Variants in LMO7 observed in about 807,000 individuals in gnomAD.
LMO7 encodes the protein LIM domain 7.
Under a neutral mutation model 206.5 loss-of-function variants are expected in LMO7, and 120 were observed. That is an observed-to-expected ratio of 0.58 (90% CI 0.50 to 0.68). LMO7 has a LOEUF of 0.68. LMO7 is among the 30% of genes least tolerant of loss of function. LMO7 has a pLI of 0.00. For missense variants in LMO7, 1,959 were observed against 1,957.9 expected (o/e 1.00, Z -0.01); for synonymous variants, 706 against 681.5 (o/e 1.04, Z -0.56).
chr13:75,783,356 T>C (rs150636574), intron 4 of LMO7, among the ~76,000 whole-genome samples: 132 of 152,322 alleles, frequency 8.7e-4, no homozygotes, highest in African/African-American at 3.0e-3. Context: ...AGTCTCGCTC[T>C]GTTGCCTAGG....
At position 75,753,206 on chromosome 13, in the gene LMO7, TGGC is replaced by T. The variant is rs1428027595; in HGVS notation, c.211-7725_211-7723del. ...GTTGAACATTTTTTCATATTTTTGTTGGCCATTTGTCTTCCATTGAAAAAGGTT... is the reference window on the plus strand; with the variant it reads ...GTTGAACATTTTTTCATATTTTTGTTCATTTGTCTTCCATTGAAAAAGGTT... On this transcript the variant is annotated intron_variant, in intron 3 of 30. Transcript: ENST00000377534. 4.6e-5 allele frequency among the ~76,000 whole-genome samples: 7 copies of T among 152,350 alleles called. No homozygotes were observed. In the South Asian group the frequency reaches 8.3e-4, roughly 18 times the overall value.
At position 75,683,364 on chromosome 13, in the gene LMO7, A is replaced by C. The variant is rs142532402; in HGVS notation, c.70-29818A>C. On this transcript the variant is annotated intron_variant, in intron 1 of 30. Coordinates refer to ENST00000377534, the MANE Select transcript of LMO7 (RefSeq NM_001306080.2). ...TTTTATAGATTTGGATATTGCAATT[A>C]GGTCTAAGATACTTTTTGATTTATA... 1.6e-4 allele frequency among the ~76,000 whole-genome samples: 24 copies of C among 152,348 alleles called. No individual in the cohort carries two copies. In the East Asian group the frequency reaches 4.4e-3, roughly 28 times the overall value.
At chr13:75,718,848 T>C (rs2043781081) in intron 2 of LMO7, among the ~76,000 whole-genome samples, 1 of 152,240 alleles carries the variant, frequency 6.6e-6, no homozygotes, top group African/African-American at 2.4e-5. Flanking sequence ...ACTGTCTTTA[T>C]GATTTTGGCT....
chr13:75,806,721 A>G (rs1268418380), intron 9 of LMO7: 2 of 152,248 alleles, frequency 1.3e-5, no homozygotes, highest in Non-Finnish European at 1.5e-5. Flanking sequence ...TGCTGATTAC[A>G]TATACCTATT....
At chr13:75,684,295 G>T (rs368819068) in intron 1 of LMO7, among the ~76,000 whole-genome samples, 3 of 152,276 alleles carry the variant, frequency 2.0e-5, no homozygotes, top group East Asian at 1.9e-4. Context: ...GTGCAATGGT[G>T]CAATCTCTGC....
chr13:75,754,620 C>T (rs1345198649), intron 3 of LMO7, among the ~76,000 whole-genome samples: 1 of 152,000 alleles, frequency 6.6e-6, no homozygotes, highest in East Asian at 1.9e-4. Context: ...ATGAGAGAGC[C>T]CTTATACTGA....
chr13:75,697,967 T>C (rs1378376313), intron 1 of LMO7, among the ~76,000 whole-genome samples: 1 of 152,240 alleles, frequency 6.6e-6, no homozygotes. Context: ...GGAATGTAAT[T>C]AACTCTCAAC....
At chr13:75,664,797 A>G (rs1482041612) in intron 1 of LMO7, among the ~76,000 whole-genome samples, 1 of 152,230 alleles carries the variant, frequency 6.6e-6, no homozygotes, top group East Asian at 1.9e-4. Flanking sequence ...AGAACTACCA[A>G]GAAAAGTTTT....
chr13:75,762,408 G>C (rs1203162832), intron 4 of LMO7, among the ~76,000 whole-genome samples: 1 of 152,102 alleles, frequency 6.6e-6, no homozygotes, highest in African/African-American at 2.4e-5. Context: ...AGAAACTTTA[G>C]ACTTTGAAAG....
intron 25 of LMO7, among the ~76,000 whole-genome samples, chr13:75,844,826 G>A (rs1032425051): frequency 6.6e-6 from 1 of 152,186 alleles, no homozygotes; most frequent in African/African-American, 2.4e-5. Flanking sequence ...GAAGTTGACT[G>A]TGCTGTATGC....
At chr13:75,667,542 T>G (rs1229434432) in intron 1 of LMO7, among the ~76,000 whole-genome samples, 2 of 152,186 alleles carry the variant, frequency 1.3e-5, no homozygotes, top group Admixed American at 1.3e-4. Flanking sequence ...CAGCTGTTAG[T>G]CTTATCTGGT....
chr13:75,785,044 G>C (rs572241293), intron 4 of LMO7, among the ~76,000 whole-genome samples: 1 of 152,206 alleles, frequency 6.6e-6, no homozygotes, highest in Non-Finnish European at 1.5e-5. Flanking sequence ...ACAGGATAGT[G>C]GAAAATATCT....
At position 75,840,299 on chromosome 13, in the gene LMO7, T is replaced by C. The variant is rs530927583; in HGVS notation, c.3478-92T>C. ...GGTACAGTTTAAGCAAACTGTGATA[T>C]GAATAATTTATGTGTGCAAAAGTGG... On this transcript the variant is annotated intron_variant, in intron 21 of 30. Transcript: ENST00000377534. 10 of 1,462,534 alleles carry C rather than the reference T, an allele frequency of 6.8e-6. No homozygotes were observed. In the South Asian group the frequency reaches 8.1e-5, roughly 12 times the overall value. 90.6% of individuals were successfully genotyped at this position (1,462,534 alleles called of 1,614,324 possible).
chr13:75,630,915 C>T (rs1179020811), intron 2 of LMO7, among the ~76,000 whole-genome samples: 1 of 152,174 alleles, frequency 6.6e-6, no homozygotes, highest in Non-Finnish European at 1.5e-5. Context: ...CTTGGCCTCC[C>T]AAAGTGCTGG....
At chr13:75,803,385 G>T (rs1451347213) in intron 7 of LMO7, among the ~76,000 whole-genome samples, 1 of 152,218 alleles carries the variant, frequency 6.6e-6, no homozygotes, top group Admixed American at 6.5e-5. Context: ...CAGGCCTGGA[G>T]AGAACCCTGG....
intron 4 of LMO7, among the ~76,000 whole-genome samples, chr13:75,781,096 C>CTTTTTTTTTTTTTTTTGCT (rs2051284266): frequency 2.4e-5 from 1 of 41,924 alleles, no homozygotes; most frequent in Non-Finnish European, 4.1e-5. Flanking sequence ...CTCTATTTTC[C>CTTTTTTTTTTTTTTTTGCT]TTTTTTTTTT....
At chr13:75,795,565 A>G in intron 5 of LMO7, 134 bp downstream of exon 5, 3 of 629,670 alleles carry the variant, frequency 4.8e-6, no homozygotes, top group Non-Finnish European at 8.4e-6. Context: ...ATCAGTTACA[A>G]ACAGTAAATA....
At chr13:75,798,133 G>T (rs2054270668) in intron 6 of LMO7, among the ~76,000 whole-genome samples, 3 of 152,206 alleles carry the variant, frequency 2.0e-5, no homozygotes, top group Non-Finnish European at 4.4e-5. Context: ...CACTTTGGGA[G>T]GCTGAGACAG....
intron 1 of LMO7, among the ~76,000 whole-genome samples, chr13:75,663,493 C>T (rs541808423): frequency 7.3e-6 from 1 of 137,844 alleles, no homozygotes; most frequent in Non-Finnish European, 1.5e-5. Context: ...TGCAGTGGTG[C>T]GATGTCGGCT....
Sources: allele counts gnomAD v4.1 joint callset (sites outside exome capture counted in the v4.1 genomes callset), GRCh38; gene constraint gnomAD v4.1.1; transcripts MANE v1.5; gene names NCBI Gene and HGNC (gene_info 2026-07-23, HGNC 2026-07-21).